CNTNAP5: variants seen among roughly 807,000 people sequenced by gnomAD.
CNTNAP5 encodes contactin-associated protein-like 5.
In CNTNAP5, 72 loss-of-function variants were observed where a neutral mutation model predicts 150.2. The ratio of observed to expected loss-of-function variants is 0.48; its 90% CI spans 0.40 to 0.58. The LOEUF (loss-of-function observed/expected upper bound fraction) is 0.58. Among genes scored for constraint, CNTNAP5 ranks in the 20% least tolerant of loss-of-function variants. CNTNAP5 has a pLI of 0.00. For synonymous variants in CNTNAP5, 672 were observed against 619.8 expected (o/e 1.08, Z -1.25); for missense variants, 1,636 against 1,626.2 (o/e 1.01, Z -0.10).
chr2:124,694,089 A>G (rs917480608), intron 13 of CNTNAP5, among the ~76,000 whole-genome samples: 1 of 152,138 alleles, frequency 6.6e-6, no homozygotes, highest in African/African-American at 2.4e-5. Context: ...CTGAGTTGGC[A>G]CAGCTCCATG....
intron 1 of CNTNAP5, among the ~76,000 whole-genome samples, chr2:124,217,678 G>A (rs1686193210): frequency 6.6e-6 from 1 of 152,058 alleles, no homozygotes; most frequent in Non-Finnish European, 1.5e-5. Flanking sequence ...CAATTTGTGG[G>A]CAAGTTTTGT....
chr2:124,488,455 T>G (rs1342151234), intron 7 of CNTNAP5, among the ~76,000 whole-genome samples: 1 of 152,258 alleles, frequency 6.6e-6, no homozygotes, highest in Non-Finnish European at 1.5e-5. Flanking sequence ...TAGCATGTGA[T>G]AGAATCTGCT....
chr2:124,562,706 G>C (rs1409120158), intron 10 of CNTNAP5, among the ~76,000 whole-genome samples: 1 of 152,044 alleles, frequency 6.6e-6, no homozygotes, highest in Non-Finnish European at 1.5e-5. Flanking sequence ...AAATACCCTT[G>C]CATTTTAGAT....
chr2:124,373,881 C>T (rs544205169), intron 3 of CNTNAP5, among the ~76,000 whole-genome samples: 1 of 151,970 alleles, frequency 6.6e-6, no homozygotes, highest in South Asian at 2.1e-4. Flanking sequence ...ATGTACTAAG[C>T]TATTAATAAA....
At chr2:124,623,986 G>A (rs1425360625) in intron 12 of CNTNAP5, among the ~76,000 whole-genome samples, 1 of 152,188 alleles carries the variant, frequency 6.6e-6, no homozygotes, top group African/African-American at 2.4e-5. Flanking sequence ...TTTTATTTAA[G>A]TGTCTCTCTT....
chr2:124,227,774 G>T (rs894995770), intron 2 of CNTNAP5, among the ~76,000 whole-genome samples: 6 of 151,486 alleles, frequency 4.0e-5, no homozygotes, highest in African/African-American at 9.7e-5. Context: ...TGGTGAGGGT[G>T]GGGGGAGGCG....
At chr2:124,474,669 G>C (rs556081724) in intron 6 of CNTNAP5, 70 bp from the exon 7 acceptor site, 4 of 1,342,808 alleles carry the variant, frequency 3.0e-6, no homozygotes, top group African/African-American at 3.0e-5. Flanking sequence ...AAAAACGCAC[G>C]TGTTTACTTT....
chr2:124,706,788 GAA>G (rs1558742957), intron 13 of CNTNAP5, among the ~76,000 whole-genome samples: 368 of 35,408 alleles, frequency 0.01, 1 homozygote, highest in Middle Eastern at 0.022. Flanking sequence ...AGAAGAAGAA[GAA>G]GAAGAAGGAG....
intron 12 of CNTNAP5, among the ~76,000 whole-genome samples, chr2:124,615,475 A>T (rs919395724): frequency 6.6e-6 from 1 of 152,192 alleles, no homozygotes; most frequent in Non-Finnish European, 1.5e-5. Context: ...TTAAAATTTT[A>T]TCATGAGAAT....
chr2:124,240,481 G>C (rs1023519261), intron 2 of CNTNAP5, among the ~76,000 whole-genome samples: 1 of 152,140 alleles, frequency 6.6e-6, no homozygotes, highest in African/African-American at 2.4e-5. Flanking sequence ...CTGCCATTAA[G>C]CCATGCACTC....
chr2:124,856,112 G>GTA, intron 19 of CNTNAP5, among the ~76,000 whole-genome samples: 1 of 145,144 alleles, frequency 6.9e-6, no homozygotes, highest in East Asian at 2.0e-4. Flanking sequence ...GTGTGTGTGT[G>GTA]TATAAAAAAA....
chr2:124,704,271 C>A (rs865887856), intron 13 of CNTNAP5, among the ~76,000 whole-genome samples: 2 of 152,090 alleles, frequency 1.3e-5, no homozygotes, highest in African/African-American at 4.8e-5. Context: ...CCCAGGGGGC[C>A]CGCAGAGGGG....
chr2:124,508,888 G>A (rs577605287), intron 8 of CNTNAP5, among the ~76,000 whole-genome samples: 2 of 152,282 alleles, frequency 1.3e-5, no homozygotes, highest in African/African-American at 2.4e-5. Context: ...CATTTCTGAG[G>A]AAACTTGTTT....
At chr2:124,784,176 G>T (rs1331877792) in intron 17 of CNTNAP5, among the ~76,000 whole-genome samples, 1 of 152,172 alleles carries the variant, frequency 6.6e-6, no homozygotes, top group Non-Finnish European at 1.5e-5. Flanking sequence ...TGGGAGGGAA[G>T]AAGGGAGGAT....
chr2:124,364,225 C>T (rs1297643030), intron 3 of CNTNAP5, among the ~76,000 whole-genome samples: 2 of 152,186 alleles, frequency 1.3e-5, no homozygotes, highest in Non-Finnish European at 2.9e-5. Context: ...TTCTCTAACA[C>T]ACTAGGGTCT....
intron 8 of CNTNAP5, among the ~76,000 whole-genome samples, chr2:124,523,031 ATCC>A (rs1694883728): frequency 6.6e-6 from 1 of 152,080 alleles, no homozygotes; most frequent in South Asian, 2.1e-4. Context: ...CGTTATTTTA[ATCC>A]TCCTTGCATA....
chr2:124,784,625 T>C (rs1292452038), intron 17 of CNTNAP5, among the ~76,000 whole-genome samples: 2 of 152,148 alleles, frequency 1.3e-5, no homozygotes, highest in African/African-American at 4.8e-5. Context: ...TGCTGGTATA[T>C]TATTTGGTGA....
At chr2:124,112,881 A>G (rs928421141) in intron 1 of CNTNAP5, among the ~76,000 whole-genome samples, 4 of 152,148 alleles carry the variant, frequency 2.6e-5, no homozygotes, top group African/African-American at 9.7e-5. Context: ...GGTTCTTTCA[A>G]GTTGTTTGCA....
intron 3 of CNTNAP5, among the ~76,000 whole-genome samples, chr2:124,340,675 T>C (rs1689587273): frequency 6.6e-6 from 1 of 151,670 alleles, no homozygotes; most frequent in Non-Finnish European, 1.5e-5. Flanking sequence ...CCCAAGCTGT[T>C]TGGGAGCCTG....
Sources: allele counts gnomAD v4.1 joint callset (sites outside exome capture counted in the v4.1 genomes callset), GRCh38; gene constraint gnomAD v4.1.1; transcripts MANE v1.5; gene names NCBI Gene and HGNC (gene_info 2026-07-23, HGNC 2026-07-21).